BMPR1B: variants seen among roughly 807,000 people sequenced by gnomAD.
BMPR1B encodes the protein bone morphogenetic protein receptor type 1B.
Under a neutral mutation model 59.1 loss-of-function variants are expected in BMPR1B, and 12 were observed. The observed-to-expected ratio is 0.20, with a 90% CI of 0.13 to 0.33. BMPR1B has a LOEUF of 0.33. Ranked by LOEUF, BMPR1B falls within the 10% of genes least tolerant of loss-of-function variation. BMPR1B has a pLI of 1.00. For missense variants in BMPR1B, 550 were observed against 610.9 expected, an observed-to-expected ratio of 0.90 and a Z score of 1.05; for synonymous variants, 237 against 207.3, an observed-to-expected ratio of 1.14 and a Z score of -1.23.
At chr4:94,803,633 AAG>A (rs1407949263) in intron 1 of BMPR1B, among the ~76,000 whole-genome samples, 12 of 152,212 alleles carry the variant, frequency 7.9e-5, no homozygotes, top group East Asian at 1.9e-4. Flanking sequence ...AGAGATGGGA[AAG>A]AGAGGATAAA....
At chr4:95,070,632 G>A (rs572222809) in intron 3 of BMPR1B, among the ~76,000 whole-genome samples, 2 of 152,214 alleles carry the variant, frequency 1.3e-5, no homozygotes, top group African/African-American at 4.8e-5. Flanking sequence ...GCCTAGTGAG[G>A]AAGTTTTGCC....
intron 1 of BMPR1B, among the ~76,000 whole-genome samples, chr4:94,836,391 C>G (rs1364600667): frequency 2.3e-5 from 2 of 85,818 alleles, no homozygotes; most frequent in African/African-American, 6.2e-5. Context: ...TAAAAGTGTT[C>G]TATTTCTCCA....
At chr4:94,787,468 C>G (rs1254446648) in intron 1 of BMPR1B, among the ~76,000 whole-genome samples, 1 of 152,214 alleles carries the variant, frequency 6.6e-6, no homozygotes, top group Non-Finnish European at 1.5e-5. Flanking sequence ...GTATTCTTAT[C>G]TCTGAAGATT....
At chr4:94,763,942 C>G (rs1721872067) in intron 1 of BMPR1B, among the ~76,000 whole-genome samples, 1 of 152,072 alleles carries the variant, frequency 6.6e-6, no homozygotes, top group African/African-American at 2.4e-5. Flanking sequence ...TGAAATCCTT[C>G]CCTTTATTAT....
intron 2 of BMPR1B, among the ~76,000 whole-genome samples, chr4:94,880,310 A>AT (rs1012484791): frequency 2.0e-5 from 3 of 152,004 alleles, no homozygotes; most frequent in African/African-American, 7.3e-5. Context: ...AAAATGATAT[A>AT]TTTTTATTTT....
intron 1 of BMPR1B, among the ~76,000 whole-genome samples, chr4:94,803,467 G>T (rs1723484843): frequency 6.6e-6 from 1 of 152,192 alleles, no homozygotes. Flanking sequence ...GGGTGGGACT[G>T]TTGAGAAGTG....
chr4:95,100,820 TTA>T (rs1730766412), intron 3 of BMPR1B, among the ~76,000 whole-genome samples: 1 of 152,154 alleles, frequency 6.6e-6, no homozygotes, highest in Admixed American at 6.6e-5. Context: ...TCTTTACTTG[TTA>T]TTCTCTTTTT....
intron 2 of BMPR1B, among the ~76,000 whole-genome samples, chr4:94,879,612 T>C (rs1463000600): frequency 6.6e-6 from 1 of 152,096 alleles, no homozygotes; most frequent in Non-Finnish European, 1.5e-5. Context: ...CAGAAATAAA[T>C]AAAAATAAAA....
intron 2 of BMPR1B, among the ~76,000 whole-genome samples, chr4:94,951,823 G>T (rs1479361816): frequency 6.6e-6 from 1 of 152,176 alleles, no homozygotes; most frequent in Non-Finnish European, 1.5e-5. Flanking sequence ...AATAGTTTCA[G>T]AAGGAATGGT....
At chr4:94,980,029 A>C (rs1260847533) in intron 2 of BMPR1B, among the ~76,000 whole-genome samples, 1 of 152,214 alleles carries the variant, frequency 6.6e-6, no homozygotes, top group African/African-American at 2.4e-5. Context: ...AAACACAAAT[A>C]TATCTTCACA....
chr4:94,987,837 C>T (rs1355910336), intron 2 of BMPR1B, among the ~76,000 whole-genome samples: 1 of 151,906 alleles, frequency 6.6e-6, no homozygotes, highest in Non-Finnish European at 1.5e-5. Context: ...TGAAAATATC[C>T]TTTAATGAGT....
At chr4:94,983,123 C>T (rs2149089682) in intron 2 of BMPR1B, among the ~76,000 whole-genome samples, 1 of 152,286 alleles carries the variant, frequency 6.6e-6, no homozygotes, top group South Asian at 2.1e-4. Context: ...CTGGCTCTTT[C>T]TCACCATTCA....
chr4:94,954,507 G>T (rs1053125145), intron 2 of BMPR1B, among the ~76,000 whole-genome samples: 2 of 152,162 alleles, frequency 1.3e-5, no homozygotes, highest in Non-Finnish European at 2.9e-5. Flanking sequence ...ATAGATTTCA[G>T]TATGTGGAAT....
chr4:95,010,468 C>T (rs1723140725), intron 3 of BMPR1B, among the ~76,000 whole-genome samples: 1 of 152,156 alleles, frequency 6.6e-6, no homozygotes, highest in African/African-American at 2.4e-5. Flanking sequence ...TTTTGGTTCT[C>T]CATTCCCTCC....
At chr4:94,841,657 C>G (rs1042743343) in intron 1 of BMPR1B, among the ~76,000 whole-genome samples, 5 of 152,158 alleles carry the variant, frequency 3.3e-5, no homozygotes, top group Non-Finnish European at 7.3e-5. Flanking sequence ...TCTGCGCCCA[C>G]TGGCACTCCC....
chr4:94,905,061 G>A lies in BMPR1B; in HGVS notation c.-113+29161G>A, dbSNP rs11941171. On this transcript the variant is annotated intron_variant, in intron 2 of 12. Transcript: ENST00000515059. The stretch of plus-strand genomic sequence containing the variant: ...TTGGATAAATTATTTGAAAATAGAT[G>A]TCTTCATTTAAGTCATATTCTGTTT... 1.9e-3 allele frequency among the ~76,000 whole-genome samples: 286 copies of A among 152,112 alleles called. 1 individual carries two copies. Among genetic ancestry groups the A allele is most frequent in the African/African-American group, 6.4e-3 (266 of 41,532 alleles).
At chr4:95,116,246 A>G (rs1732023771) in intron 6 of BMPR1B, among the ~76,000 whole-genome samples, 1 of 151,998 alleles carries the variant, frequency 6.6e-6, no homozygotes, top group Admixed American at 6.6e-5. Flanking sequence ...AAATCGTATC[A>G]ATATATTGAT....
At chr4:95,151,681 G>A (rs762811074) in intron 11 of BMPR1B, among the ~76,000 whole-genome samples, 18 of 152,078 alleles carry the variant, frequency 1.2e-4, no homozygotes, top group Non-Finnish European at 2.6e-4. Flanking sequence ...CCAGATTTTG[G>A]CAGAGTAAGC....
At chr4:94,981,082 G>A (rs1470366479) in intron 2 of BMPR1B, among the ~76,000 whole-genome samples, 4 of 151,894 alleles carry the variant, frequency 2.6e-5, no homozygotes, top group African/African-American at 7.3e-5. Flanking sequence ...AATAGATTGT[G>A]CAGAAAATTT....
Sources: allele counts gnomAD v4.1 joint callset (sites outside exome capture counted in the v4.1 genomes callset), GRCh38; gene constraint gnomAD v4.1.1; transcripts MANE v1.5; gene names NCBI Gene and HGNC (gene_info 2026-07-23, HGNC 2026-07-21).